PIK3C2B: variants seen among roughly 807,000 people sequenced by gnomAD.
PIK3C2B encodes phosphatidylinositol-4-phosphate 3-kinase catalytic subunit type 2 beta, also known as phosphatidylinositol 4-phosphate 3-kinase C2 domain-containing subunit beta.
A neutral mutation model predicts 184.3 loss-of-function variants in PIK3C2B; 83 were observed. That is an observed-to-expected ratio of 0.45 (90% CI 0.38 to 0.54). The LOEUF is 0.54. Among genes scored for constraint, PIK3C2B ranks in the 20% least tolerant of loss-of-function variants. The pLI is 0.00. For missense variants in PIK3C2B, 1,736 were observed against 2,113.5 expected, an observed-to-expected ratio of 0.82 and a Z score of 3.50; for synonymous variants, 779 against 837.6, an observed-to-expected ratio of 0.93 and a Z score of 1.21.
chr1:204,473,147 A>C (rs1358649947), intron 1 of PIK3C2B, among the ~76,000 whole-genome samples: 1 of 152,224 alleles, frequency 6.6e-6, no homozygotes, highest in Non-Finnish European at 1.5e-5. Flanking sequence ...CAAGTTGCTT[A>C]GATTCAAAAT....
intron 4 of PIK3C2B, 107 bp from the exon 5 acceptor site, chr1:204,464,239 T>C: frequency 3.0e-6 from 4 of 1,342,792 alleles, no homozygotes; most frequent in Non-Finnish European, 4.2e-6. Flanking sequence ...TCCAGCACCA[T>C]CACCAACCAG....
At chr1:204,444,187 G>A (rs1310273070) in intron 17 of PIK3C2B, 25 bp from the exon 18 acceptor site, 1 of 1,547,932 alleles carries the variant, frequency 6.5e-7, no homozygotes, top group Admixed American at 1.7e-5. Flanking sequence ...GGGAGAAAGA[G>A]AATATGAAGC....
rs1338113163 is a variant in PIK3C2B at position 204,440,285 on chromosome 1, G to T, written c.3286C>A (p.Gln1096Lys). Residue 1096 changes from glutamine to lysine, a missense_variant, in exon 22 of 33, where the codon CAG (glutamine) becomes AAG (lysine). Physicochemically the swap from Gln to Lys is moderately conservative, Grantham distance 53. Transcript: ENST00000684373. The part of the protein sequence containing the change: ...DDLRQDMLTL[Q>K]MIRIMSKIWV... ...ATCTTGCTCATGATGCGAATCATCT[G>T]CAGCGTTAGCATGTCCTGGCGAAGG... The T allele has an allele frequency of 6.2e-7, 1 of 1,607,394 alleles. No individual in the cohort carries two copies. Among genetic ancestry groups the T allele is most frequent in the Non-Finnish European group, 8.5e-7 (1 of 1,176,678 alleles).
At position 204,433,242 on chromosome 1, in the gene PIK3C2B, C is replaced by A; in HGVS notation, c.3953+74G>T. ...CTAAGCTTTTCACCTTTCCCCAGTC[C>A]TCCTCCTGCCAATCCGGCAGGCTGG... On this transcript the variant is annotated intron_variant, in intron 26 of 32. Transcript: ENST00000684373. The surrounding 1 kb of genome is among the most constrained non-coding windows in gnomAD (Gnocchi z 5.0). 3 of 818,512 alleles carry A rather than the reference C, an allele frequency of 3.7e-6. No homozygotes were observed. The highest frequency in any genetic ancestry group is 6.2e-6 in the Non-Finnish European group (3 of 484,924). 50.7% of individuals were successfully genotyped at this position (818,512 alleles called of 1,614,324 possible).
In PIK3C2B at chr1:204,469,492, T is replaced by C; in HGVS notation, c.311A>G (p.Asn104Ser). 1.2e-6 allele frequency: 2 copies of C among 1,607,552 alleles called. No homozygotes were observed. The highest frequency in any genetic ancestry group is 2.2e-5 in the South Asian group (2 of 89,858). The change falls in exon 2 of 33, where the codon AAC (asparagine) becomes AGC (serine). Residue 104 changes from asparagine (N) to serine (S), a missense_variant. This residue lies in a region of PIK3C2B where 404 missense variants were observed against 418.0 expected (regional missense o/e 0.97). Transcript: ENST00000684373. ...NSLSPQEGPP[N>S]HSTSQGPQPG... ...CTGTGGCCCTTGGGAGGTAGAGTGG[T>C]TGGGCGGCCCTTCCTGTGGGGAGAG...
At chr1:204,463,101 C>T (rs1423876976) in intron 5 of PIK3C2B, among the ~76,000 whole-genome samples, 3 of 152,148 alleles carry the variant, frequency 2.0e-5, no homozygotes. Context: ...TCCATCCTGA[C>T]TGCCAAATCT....
intron 4 of PIK3C2B, 92 bp from the exon 5 acceptor site, chr1:204,464,224 T>A: frequency 1.4e-6 from 2 of 1,448,006 alleles, no homozygotes; most frequent in Non-Finnish European, 1.9e-6. Context: ...TCCAGCTAAG[T>A]ATTCTCCAGC....
chr1:204,475,117 G>C (rs941927418), intron 1 of PIK3C2B, among the ~76,000 whole-genome samples: 1 of 151,994 alleles, frequency 6.6e-6, no homozygotes, highest in African/African-American at 2.4e-5. Context: ...CCTCTTCAAG[G>C]CTTTTTCACA....
intron 16 of PIK3C2B, among the ~76,000 whole-genome samples, chr1:204,444,872 C>T (rs539955223): frequency 6.6e-6 from 1 of 152,302 alleles, no homozygotes; most frequent in East Asian, 1.9e-4. Flanking sequence ...AGCCAATAAA[C>T]CTTGGCAGAA....
chr1:204,457,343 T>C (rs954810230), intron 9 of PIK3C2B, among the ~76,000 whole-genome samples: 1 of 152,242 alleles, frequency 6.6e-6, no homozygotes, highest in African/African-American at 2.4e-5. Flanking sequence ...CCTATGGTGC[T>C]GGCCCTGTCT....
intron 16 of PIK3C2B, among the ~76,000 whole-genome samples, chr1:204,445,267 G>T (rs933481261): frequency 6.6e-6 from 1 of 151,122 alleles, no homozygotes; most frequent in African/African-American, 2.4e-5. Flanking sequence ...TGCCAAAGCA[G>T]GGAGTTTAAT....
In PIK3C2B at chr1:204,422,738, G is replaced by A. The variant is rs1246348313; in HGVS notation, c.*2114C>T. ...ACAGTACACAGATCTCTTTAAATCA[G>A]GAGCATATAGGTCATAATAAAATGA... On this transcript the variant is annotated 3_prime_UTR_variant, in exon 33 of 33. Coordinates refer to ENST00000684373, the MANE Select transcript of PIK3C2B (RefSeq NM_001377334.1). 1 of 152,568 alleles carries A rather than the reference G, an allele frequency of 6.6e-6. No homozygotes were observed. The highest frequency in any genetic ancestry group is 6.5e-5 in the Admixed American group (1 of 15,278). The allele number at this position is 152,568 out of a possible 1,614,324, so 9.5% of individuals were successfully genotyped here. A position where few individuals can be genotyped will look rare whatever the true frequency, so the allele number is the denominator to read the frequency against.
intron 3 of PIK3C2B, among the ~76,000 whole-genome samples, chr1:204,464,810 G>A (rs1266671652): frequency 1.3e-5 from 2 of 152,138 alleles, no homozygotes; most frequent in Non-Finnish European, 2.9e-5. Context: ...ATTGCAAAAT[G>A]TTTCCCACCA....
At chr1:204,430,598 C>T (rs1227339809) in intron 28 of PIK3C2B, among the ~76,000 whole-genome samples, 1 of 151,944 alleles carries the variant, frequency 6.6e-6, no homozygotes, top group African/African-American at 2.4e-5. Context: ...CTGCCTCAGC[C>T]TGCCAAAGTG....
intron 28 of PIK3C2B, 127 bp downstream of exon 28, chr1:204,431,542 A>C (rs1675056632): frequency 5.8e-6 from 7 of 1,209,958 alleles, no homozygotes; most frequent in Non-Finnish European, 8.4e-6. Context: ...ATACCAGGCC[A>C]AGCAAAGCAG....
chr1:204,476,259 T>C (rs1179748983), intron 1 of PIK3C2B, among the ~76,000 whole-genome samples: 1 of 152,192 alleles, frequency 6.6e-6, no homozygotes, highest in Non-Finnish European at 1.5e-5. Flanking sequence ...GTTCTCTCTC[T>C]GTCAGGCTCT....
chr1:204,438,811 A>T, intron 23 of PIK3C2B, 124 bp downstream of exon 23: 2 of 1,012,318 alleles, frequency 2.0e-6, no homozygotes, highest in Non-Finnish European at 2.9e-6. Context: ...AAGAAAGGGT[A>T]GGTCCTTCTG....
chr1:204,467,790 G>A (rs1655927083), intron 2 of PIK3C2B, among the ~76,000 whole-genome samples: 2 of 129,800 alleles, frequency 1.5e-5, no homozygotes, highest in African/African-American at 5.7e-5. Context: ...AGCCAAGATA[G>A]CGCCACTGCA....
rs1655658116 is a variant in PIK3C2B, at chr1:204,465,202, C to T, written c.1034+17G>A. On this transcript the variant is annotated intron_variant, in intron 3 of 32. Coordinates refer to ENST00000684373, the MANE Select transcript of PIK3C2B (RefSeq NM_001377334.1). ...CCCATAGCCCTCCCAAATCCCACCC[C>T]ATTCTTTAACTCTTACATATCCAGC... 1.4e-6 allele frequency: 2 copies of T among 1,441,740 alleles called. No individual in the cohort carries two copies. The highest frequency in any genetic ancestry group is 1.4e-5 in the African/African-American group (1 of 71,506). The allele number at this position is 1,441,740 out of a possible 1,614,324, so 89.3% of individuals were successfully genotyped here.
Sources: allele counts gnomAD v4.1 joint callset (sites outside exome capture counted in the v4.1 genomes callset), GRCh38; gene constraint gnomAD v4.1.1; regional missense constraint gnomAD v4.1.1; non-coding constraint Gnocchi (gnomAD v3.1); transcripts MANE v1.5; gene names NCBI Gene and HGNC (gene_info 2026-07-23, HGNC 2026-07-21).